Variants in PUDP observed in about 807,000 individuals in gnomAD.
PUDP encodes pseudouridine-5'-phosphatase.
Under a neutral mutation model 9.4 loss-of-function variants are expected in PUDP, and 8 were observed. That is an observed-to-expected ratio of 0.85 (90% confidence interval 0.50 to 1.53). The LOEUF (loss-of-function observed/expected upper bound fraction) is 1.53. Ranked by LOEUF, PUDP falls within the 40% of genes most tolerant of loss-of-function variation. The pLI, the probability that PUDP is intolerant of heterozygous loss-of-function variation, is 0.00. For synonymous variants in PUDP, 99 were observed against 80.7 expected (o/e 1.23, Z -1.22); for missense variants, 188 against 189.7 (o/e 0.99, Z 0.05).
intron 3 of PUDP, among the ~76,000 whole-genome samples, chrX:6,802,348 TC>T (rs1415247752): frequency 1.8e-5 from 2 of 111,494 alleles, no homozygotes; most frequent in African/African-American, 6.5e-5. Flanking sequence ...TTCAATTTCC[TC>T]CTCTGTAACA....
At chrX:6,822,580 C>T (rs1318480412) in intron 3 of PUDP, among the ~76,000 whole-genome samples, 2 of 111,869 alleles carry the variant, frequency 1.8e-5, no homozygotes, top group African/African-American at 3.2e-5. Context: ...GCACGTGCTA[C>T]CATGCCTGGC....
chrX:7,058,061 A>C (rs1276168467), intron 3 of PUDP, among the ~76,000 whole-genome samples: 1 of 111,309 alleles, frequency 9.0e-6, no homozygotes, highest in African/African-American at 3.3e-5. Flanking sequence ...CCCATCGGGA[A>C]GCAGACAGAA....
chrX:7,094,647 AC>A (rs1791179370), intron 2 of PUDP, among the ~76,000 whole-genome samples: 1 of 111,487 alleles, frequency 9.0e-6, no homozygotes, highest in Admixed American at 9.5e-5. Context: ...GGCATGAGCC[AC>A]CGCGCCTGGC....
At chrX:7,064,196 C>A (rs1930484151) in intron 3 of PUDP, among the ~76,000 whole-genome samples, 1 of 111,500 alleles carries the variant, frequency 9.0e-6, no homozygotes, top group South Asian at 3.8e-4. Context: ...AAGGCTCTTA[C>A]AAGATGGAAG....
At chrX:6,832,272 T>A (rs1194371425) in intron 3 of PUDP, among the ~76,000 whole-genome samples, 5 of 110,704 alleles carry the variant, frequency 4.5e-5, no homozygotes, top group African/African-American at 1.6e-4. Context: ...ATTAAAGAGG[T>A]CACCCAGAAG....
chrX:6,716,402 C>A (rs1237034722), intron 1 of PUDP, among the ~76,000 whole-genome samples: 1 of 111,797 alleles, frequency 8.9e-6, no homozygotes, highest in Non-Finnish European at 1.9e-5. Context: ...CTGGTACTGA[C>A]AGCTACAACG....
intron 3 of PUDP, among the ~76,000 whole-genome samples, chrX:6,916,127 T>G (rs766034664): frequency 9.3e-6 from 1 of 107,751 alleles, no homozygotes; most frequent in Non-Finnish European, 1.9e-5. Context: ...CACATACACA[T>G]GTACTGTTAT....
intron 1 of PUDP, among the ~76,000 whole-genome samples, chrX:7,123,994 G>A (rs756247918): frequency 8.0e-5 from 9 of 111,967 alleles, no homozygotes; most frequent in South Asian, 3.7e-4. Context: ...ACAACTAGAC[G>A]GAAGACAAAT....
At chrX:6,721,119 T>C (rs1486126824) in intron 1 of PUDP, among the ~76,000 whole-genome samples, 1 of 112,192 alleles carries the variant, frequency 8.9e-6, no homozygotes, top group Non-Finnish European at 1.9e-5. Flanking sequence ...GACCTTTAAC[T>C]ACAGTCCTCA....
At chrX:6,965,578 G>A (rs1602693472) in intron 3 of PUDP, among the ~76,000 whole-genome samples, 1 of 111,611 alleles carries the variant, frequency 9.0e-6, no homozygotes, top group Admixed American at 9.6e-5. Flanking sequence ...AATTAAACAC[G>A]ATACTGTATA....
chrX:6,828,710 C>A (rs1340054929), intron 3 of PUDP, among the ~76,000 whole-genome samples: 2 of 111,181 alleles, frequency 1.8e-5, no homozygotes, highest in Non-Finnish European at 3.8e-5. Context: ...CATATTCATC[C>A]CTCCCCCTAA....
chrX:6,772,628 AG>A (rs1569095827), intron 3 of PUDP, among the ~76,000 whole-genome samples: 6 of 71,951 alleles, frequency 8.3e-5, no homozygotes, highest in African/African-American at 8.7e-5. Flanking sequence ...AATACAGACA[AG>A]GAAAAAAAAA....
chrX:6,757,035 A>G (rs1925176496), intron 3 of PUDP, among the ~76,000 whole-genome samples: 1 of 112,234 alleles, frequency 8.9e-6, no homozygotes, highest in South Asian at 3.7e-4. Flanking sequence ...GAAGTAGAGA[A>G]TAGATTATCC....
chrX:7,073,354 C>T (rs1460606455), intron 3 of PUDP, among the ~76,000 whole-genome samples: 2 of 112,098 alleles, frequency 1.8e-5, no homozygotes, highest in Non-Finnish European at 3.8e-5. Flanking sequence ...CCCTTTGATC[C>T]TACTTGTTTT....
intron 3 of PUDP, among the ~76,000 whole-genome samples, chrX:6,942,915 C>T (rs1031423383): frequency 1.8e-5 from 2 of 112,257 alleles, no homozygotes; most frequent in East Asian, 2.8e-4. Context: ...TTAGAGGGAC[C>T]GTGGTCCTGC....
intron 3 of PUDP, among the ~76,000 whole-genome samples, chrX:6,750,771 A>G (rs145644991): frequency 3.6e-5 from 4 of 112,085 alleles, no homozygotes; most frequent in African/African-American, 1.3e-4. Flanking sequence ...TTCAACAGGA[A>G]GACCTGAAGG....
At chrX:6,906,850 C>T (rs919813276) in intron 3 of PUDP, among the ~76,000 whole-genome samples, 1 of 111,793 alleles carries the variant, frequency 8.9e-6, no homozygotes, top group African/African-American at 3.2e-5. Context: ...AAATGCAAAC[C>T]CTATTGTGGA....
At chrX:6,791,365 T>C (rs1403271154) in intron 3 of PUDP, among the ~76,000 whole-genome samples, 1 of 106,417 alleles carries the variant, frequency 9.4e-6, no homozygotes, top group African/African-American at 3.4e-5. Flanking sequence ...ATAATATATA[T>C]GTGAAAAAGT....
chrX:6,932,053 TATAA>T (rs1569125848), intron 3 of PUDP, among the ~76,000 whole-genome samples: 1 of 112,226 alleles, frequency 8.9e-6, no homozygotes, highest in East Asian at 2.8e-4. Context: ...ATTAAATACT[TATAA>T]ATAAACGCAC....
Sources: gnomAD v4.1 joint callset for allele counts (sites outside exome capture counted in the v4.1 genomes callset) on GRCh38, gnomAD v4.1.1 for gene constraint, MANE v1.5 for transcripts, NCBI Gene and HGNC (gene_info 2026-07-23, HGNC 2026-07-21) for gene names.